SGMS1: variants seen among roughly 807,000 people sequenced by gnomAD.
SGMS1 encodes phosphatidylcholine:ceramide cholinephosphotransferase 1.
Under a neutral mutation model 46.2 loss-of-function variants are expected in SGMS1, and 13 were observed. The observed-to-expected ratio is 0.28, with a 90% confidence interval of 0.18 to 0.45. The LOEUF is 0.45. SGMS1 is among the 20% of genes least tolerant of loss of function. The pLI, the probability that SGMS1 is intolerant of heterozygous loss-of-function variation, is 1.00. For missense variants in SGMS1, 324 were observed against 519.9 expected (o/e 0.62, Z 3.66); for synonymous variants, 203 against 187.8 (o/e 1.08, Z -0.66).
At chr10:50,527,277 T>C (rs995315532) in intron 2 of SGMS1, among the ~76,000 whole-genome samples, 2 of 152,130 alleles carry the variant, frequency 1.3e-5, no homozygotes, top group African/African-American at 2.4e-5. Flanking sequence ...CATCACCTTA[T>C]TGTTAATCAC....
chr10:50,545,624 G>C lies in SGMS1; in HGVS notation c.-588-25703C>G, dbSNP rs191912568. ...CTAATTTTTGTAGTTTTTTAGTCGA[G>C]ACAGGGTTTCACCATGTTGGCCAGG... On this transcript the variant is annotated intron_variant, in intron 2 of 10. Transcript: ENST00000361781. 1.2e-3 allele frequency among the ~76,000 whole-genome samples: 184 copies of C among 152,230 alleles called. 2 individuals are homozygous for C. Among genetic ancestry groups the C allele is most frequent in the Middle Eastern group, 3.4e-3 (1 of 294 alleles).
At chr10:50,614,623 G>A (rs1005429364) in intron 1 of SGMS1, among the ~76,000 whole-genome samples, 9 of 152,164 alleles carry the variant, frequency 5.9e-5, no homozygotes, top group African/African-American at 2.2e-4. Context: ...CCCAGCCCTG[G>A]GCGTTGTAAG....
intron 8 of SGMS1, among the ~76,000 whole-genome samples, chr10:50,317,802 CT>C (rs143154915): frequency 1.5e-3 from 196 of 133,530 alleles, no homozygotes; most frequent in Admixed American, 2.1e-3. Flanking sequence ...TTATTTCTTT[CT>C]TTTTTTTTTT....
At chr10:50,616,290 T>TTATG (rs1412609517) in intron 1 of SGMS1, among the ~76,000 whole-genome samples, 27 of 149,838 alleles carry the variant, frequency 1.8e-4, no homozygotes, top group Admixed American at 9.2e-4. Context: ...CTGGCTAATT[T>TTATG]TATGTATTTA....
intron 4 of SGMS1, among the ~76,000 whole-genome samples, chr10:50,461,656 C>T (rs190830798): frequency 8.5e-5 from 13 of 152,214 alleles, no homozygotes; most frequent in African/African-American, 2.4e-4. Context: ...TCAGGACAAT[C>T]GTTAACTCCT....
At chr10:50,431,511 AG>A (rs1406012786) in intron 6 of SGMS1, among the ~76,000 whole-genome samples, 1 of 152,188 alleles carries the variant, frequency 6.6e-6, no homozygotes, top group African/African-American at 2.4e-5. Flanking sequence ...TTCCTTCTAA[AG>A]GGCAAGTTAG....
In SGMS1 at chr10:50,312,337, T is replaced by TA. The variant is rs10591253; in HGVS notation, c.742-923dup. ...GATACATCAGTGAAGTGTGAGAAAT[T>TA]AAAAAAAAAAAAAAAAAAGAATGGC... On this transcript the variant is annotated intron_variant, in intron 8 of 10. Coordinates refer to ENST00000361781, the MANE Select transcript of SGMS1 (RefSeq NM_147156.4). 2.7e-4 allele frequency among the ~76,000 whole-genome samples: 36 copies of TA among 135,132 alleles called. No homozygotes were observed. In the South Asian group the frequency reaches 3.3e-3, roughly 12 times the overall value. 88.7% of individuals were successfully genotyped at this position (135,132 alleles called of 152,430 possible). A position where few individuals can be genotyped will look rare whatever the true frequency, so the allele number is the denominator to read the frequency against.
At chr10:50,561,739 A>G (rs1838238443) in intron 2 of SGMS1, among the ~76,000 whole-genome samples, 1 of 152,206 alleles carries the variant, frequency 6.6e-6, no homozygotes, top group Admixed American at 6.5e-5. Flanking sequence ...AGTTAACTGA[A>G]CTGAAAGGTG....
intron 2 of SGMS1, among the ~76,000 whole-genome samples, chr10:50,546,847 T>C (rs1484564983): frequency 5.3e-5 from 8 of 152,084 alleles, no homozygotes; most frequent in Admixed American, 5.2e-4. Flanking sequence ...GTTGTGCACA[T>C]GTACCCTAAA....
chr10:50,540,282 G>A (rs1838040457), intron 2 of SGMS1, among the ~76,000 whole-genome samples: 1 of 152,124 alleles, frequency 6.6e-6, no homozygotes, highest in Non-Finnish European at 1.5e-5. Flanking sequence ...GCCAGCCCAG[G>A]GGAAGGATGT....
chr10:50,503,242 C>A (rs150258060), intron 3 of SGMS1, among the ~76,000 whole-genome samples: 16 of 152,254 alleles, frequency 1.1e-4, no homozygotes, highest in Non-Finnish European at 1.8e-4. Flanking sequence ...AACTTGCAGG[C>A]TTATGTGAAA....
At position 50,548,672 on chromosome 10, in the gene SGMS1, C is replaced by G. The variant is rs555201161; in HGVS notation, c.-588-28751G>C. Reference sequence around the variant, plus strand: ...CAGGCAAAGATTTCATGACGAAATGCCAAAAGCCATTGCAACAAAAGCAAA... The same window carrying G: ...CAGGCAAAGATTTCATGACGAAATGGCAAAAGCCATTGCAACAAAAGCAAA... On this transcript the variant is annotated intron_variant, in intron 2 of 10. Transcript: ENST00000361781. Among the ~76,000 whole-genome samples, 34 of 152,176 alleles carry G rather than the reference C, an allele frequency of 2.2e-4. 1 individual carries two copies. The highest frequency in any genetic ancestry group is 6.8e-3 in the Middle Eastern group (2 of 294).
chr10:50,420,847 A>G (rs549988032), intron 6 of SGMS1, among the ~76,000 whole-genome samples: 10 of 152,348 alleles, frequency 6.6e-5, no homozygotes, highest in African/African-American at 1.9e-4. Flanking sequence ...AGGGAAAGGC[A>G]GCACAGACAG....
Position 50,616,569 on chromosome 10 carries a change from G to A in SGMS1, c.-684+7138C>T, listed in dbSNP as rs117590155. Among the ~76,000 whole-genome samples the A allele has an allele frequency of 7.1e-3, 1,084 of 152,272 alleles. 7 individuals are homozygous for A. Among genetic ancestry groups the A allele is most frequent in the Non-Finnish European group, 0.011 (746 of 68,036 alleles). ...AAACCCTTCAGCAGCCTCCCTAAGC[G>A]GCGGGGGGTGTTGTTATTCCAGTTT... On this transcript the variant is annotated intron_variant, in intron 1 of 10. Transcript: ENST00000361781.
At chr10:50,518,928 A>G (rs1179661204) in intron 3 of SGMS1, among the ~76,000 whole-genome samples, 1 of 152,216 alleles carries the variant, frequency 6.6e-6, no homozygotes, top group Non-Finnish European at 1.5e-5. Context: ...ACAATGATAT[A>G]CTATTTTAAA....
chr10:50,521,824 G>A (rs1837859400), intron 2 of SGMS1, among the ~76,000 whole-genome samples: 1 of 152,136 alleles, frequency 6.6e-6, no homozygotes, highest in African/African-American at 2.4e-5. Context: ...GGCACAAAAA[G>A]TCTATCTGCC....
chr10:50,600,873 C>T (rs1838643685), intron 1 of SGMS1, among the ~76,000 whole-genome samples: 2 of 152,066 alleles, frequency 1.3e-5, no homozygotes, highest in Admixed American at 6.6e-5. Context: ...AAGATGAGGA[C>T]AAATCAGAGG....
chr10:50,488,077 G>A (rs1428544232), intron 3 of SGMS1, among the ~76,000 whole-genome samples: 2 of 151,206 alleles, frequency 1.3e-5, no homozygotes, highest in Non-Finnish European at 2.9e-5. Flanking sequence ...ACAGTGGTGC[G>A]ATCTTGGCTC....
chr10:50,420,436 A>T (rs767835679), intron 6 of SGMS1, among the ~76,000 whole-genome samples: 7 of 152,220 alleles, frequency 4.6e-5, no homozygotes, highest in Non-Finnish European at 1.0e-4. Context: ...TATGCCTCTC[A>T]ACACATCATC....
Sources: gnomAD v4.1 joint callset for allele counts (sites outside exome capture counted in the v4.1 genomes callset) on GRCh38, gnomAD v4.1.1 for gene constraint, MANE v1.5 for transcripts, NCBI Gene and HGNC (gene_info 2026-07-23, HGNC 2026-07-21) for gene names.